NEDD9: variants seen among roughly 807,000 people sequenced by gnomAD.
The protein encoded by NEDD9 is neural precursor cell expressed, developmentally down-regulated 9.
Under a neutral mutation model 76.6 loss-of-function variants are expected in NEDD9, and 26 were observed. The ratio of observed to expected loss-of-function variants is 0.34; its 90% CI spans 0.25 to 0.47. The LOEUF (loss-of-function observed/expected upper bound fraction) is 0.47. Ranked by LOEUF, NEDD9 falls within the 20% of genes least tolerant of loss-of-function variation. The probability of loss-of-function intolerance (pLI) is 1.00; values close to 1 mark genes in which losing one functional copy is unlikely to be tolerated. For synonymous variants in NEDD9, 392 were observed against 414.2 expected (o/e 0.95, Z 0.65); for missense variants, 937 against 1,058.5 (o/e 0.89, Z 1.59).
chr6:11,382,233 C>T (rs935155954), exon 1 of NEDD9: 2 of 152,268 alleles, frequency 1.3e-5, no homozygotes, highest in African/African-American at 2.4e-5. Context: ...GCTAGTCCTG[C>T]TGCATGCTCA....
intron 2 of NEDD9, among the ~76,000 whole-genome samples, chr6:11,327,312 T>A (rs1761948298): frequency 1.3e-5 from 2 of 152,298 alleles, no homozygotes; most frequent in South Asian, 4.1e-4. Context: ...AGGTACTGAG[T>A]GATATATAAT....
chr6:11,211,927 C>T (rs1018327440), intron 2 of NEDD9, among the ~76,000 whole-genome samples: 5 of 151,994 alleles, frequency 3.3e-5, no homozygotes, highest in African/African-American at 1.2e-4. Context: ...GAGGGTGGCC[C>T]TGGCACCTCC....
chr6:11,200,022 C>A, intron 2 of NEDD9: 1 of 186,904 alleles, frequency 5.4e-6, no homozygotes. Flanking sequence ...TAAAGAATTA[C>A]TAGGTCAAAC....
Position 11,209,970 on chromosome 6 carries a change from C to CTTTTTTTTTTT in NEDD9, c.459+3310_459+3311insAAAAAAAAAAA, listed in dbSNP as rs752612102. On this transcript the variant is annotated intron_variant, in intron 2 of 6. Transcript: ENST00000379446. ...AGTGATAGAAGGCAGAATTCACTGTCTTTTTTTTTTCCTTAAGTGATTCAT... is the reference window on the plus strand; with the variant it reads ...AGTGATAGAAGGCAGAATTCACTGTCTTTTTTTTTTTTTTTTTTTTTCCTTAAGTGATTCAT... Among the ~76,000 whole-genome samples the CTTTTTTTTTTT allele has an allele frequency of 6.9e-4, 91 of 131,106 alleles. 3 individuals are homozygous for CTTTTTTTTTTT. The highest frequency in any genetic ancestry group is 1.2e-3 in the African/African-American group (45 of 36,394). The allele number at this position is 131,106 out of a possible 152,430, so 86.0% of individuals were successfully genotyped here.
intron 1 of NEDD9, among the ~76,000 whole-genome samples, chr6:11,223,909 A>T (rs2281875): frequency 6.6e-6 from 1 of 152,220 alleles, no homozygotes; most frequent in Non-Finnish European, 1.5e-5. Context: ...TGTAAGGGAG[A>T]TGGGATAATG....
At chr6:11,307,476 G>A (rs926258649) in intron 2 of NEDD9, among the ~76,000 whole-genome samples, 2 of 152,096 alleles carry the variant, frequency 1.3e-5, no homozygotes, top group Non-Finnish European at 2.9e-5. Flanking sequence ...AGAAACAAAA[G>A]GGAGATTTAC....
chr6:11,262,222 G>A (rs548628048), intron 3 of NEDD9, among the ~76,000 whole-genome samples: 1 of 152,304 alleles, frequency 6.6e-6, no homozygotes, highest in African/African-American at 2.4e-5. Flanking sequence ...CAGATCGCCA[G>A]GGAAGCAGAG....
intron 3 of NEDD9, among the ~76,000 whole-genome samples, chr6:11,273,177 G>A (rs1760347393): frequency 6.6e-6 from 1 of 152,180 alleles, no homozygotes; most frequent in Admixed American, 6.5e-5. Flanking sequence ...GAATTGGCTA[G>A]GTGAAGGTTT....
At chr6:11,245,589 A>G (rs1759790750) in intron 3 of NEDD9, among the ~76,000 whole-genome samples, 1 of 152,178 alleles carries the variant, frequency 6.6e-6, no homozygotes, top group Non-Finnish European at 1.5e-5. Context: ...TTAAATACCT[A>G]TTACAGTAGC....
At chr6:11,218,547 A>G (rs1211612610) in intron 1 of NEDD9, among the ~76,000 whole-genome samples, 2 of 152,168 alleles carry the variant, frequency 1.3e-5, no homozygotes, top group African/African-American at 4.8e-5. Context: ...GAACTCCTTA[A>G]GTTCAGAGAT....
At chr6:11,374,163 G>T (rs893154373) in intron 1 of NEDD9, among the ~76,000 whole-genome samples, 3 of 151,944 alleles carry the variant, frequency 2.0e-5, no homozygotes, top group Non-Finnish European at 4.4e-5. Context: ...CTCACTCAAT[G>T]AATCAATCAA....
At chr6:11,316,895 C>T (rs186484638) in intron 2 of NEDD9, among the ~76,000 whole-genome samples, 79 of 152,296 alleles carry the variant, frequency 5.2e-4, no homozygotes, top group African/African-American at 1.9e-3. Flanking sequence ...ATGCTAGTAT[C>T]ATTCTGAGAA....
intron 3 of NEDD9, among the ~76,000 whole-genome samples, chr6:11,263,550 A>G (rs1333536605): frequency 6.6e-6 from 1 of 152,226 alleles, no homozygotes; most frequent in Non-Finnish European, 1.5e-5. Context: ...CAGGGAGCAC[A>G]TGGCAGAGAG....
In NEDD9 at chr6:11,346,484, C is replaced by A. The variant is rs76294676; in HGVS notation, c.-213-11923G>T. Among the ~76,000 whole-genome samples the A allele has an allele frequency of 4.1e-3, 627 of 151,848 alleles. 8 individuals are homozygous for A. Among genetic ancestry groups the A allele is most frequent in the African/African-American group, 0.014 (594 of 41,450 alleles). Reference sequence around the variant, plus strand: ...TTATAAGAAGGCTCGGAGGCCCCCCCCCCCGAGGTGAGTGGAAAGCCCTCT... The same window carrying A: ...TTATAAGAAGGCTCGGAGGCCCCCCACCCCGAGGTGAGTGGAAAGCCCTCT... On this transcript the variant is annotated intron_variant, in intron 1 of 3. Transcript: ENST00000397378.
chr6:11,330,410 CT>C (rs1350128750), intron 2 of NEDD9, among the ~76,000 whole-genome samples: 1 of 152,056 alleles, frequency 6.6e-6, no homozygotes, highest in Non-Finnish European at 1.5e-5. Context: ...ACTAAGAGGC[CT>C]AGGGTAAAAA....
At position 11,257,506 on chromosome 6, in the gene NEDD9, G is replaced by GC. The variant is rs556115944; in HGVS notation, c.13-43780dup. Among the ~76,000 whole-genome samples, 475 of 152,282 alleles carry GC rather than the reference G, an allele frequency of 3.1e-3. 6 individuals are homozygous for GC. The highest frequency in any genetic ancestry group is 0.011 in the African/African-American group (445 of 41,554). The stretch of plus-strand genomic sequence containing the variant: ...TAGCCTAGTCCAGGTCTGTCTAACA[G>GC]CCCCCCAAATAGACCATGTGTTCTG... On this transcript the variant is annotated intron_variant, in intron 3 of 3. Coordinates refer to the NEDD9 transcript ENST00000397378.
intron 3 of NEDD9, among the ~76,000 whole-genome samples, chr6:11,292,643 A>T (rs935459335): frequency 6.6e-6 from 1 of 152,238 alleles, no homozygotes; most frequent in Non-Finnish European, 1.5e-5. Context: ...TAACTCAATA[A>T]AATGACATCT....
intron 1 of NEDD9, among the ~76,000 whole-genome samples, chr6:11,380,919 C>T (rs1445638824): frequency 6.6e-6 from 1 of 152,190 alleles, no homozygotes; most frequent in Non-Finnish European, 1.5e-5. Flanking sequence ...AGCAATCCTC[C>T]CGCCTTAGCC....
intron 2 of NEDD9, chr6:11,200,903 C>T (rs1447613398): frequency 2.5e-6 from 4 of 1,609,850 alleles, no homozygotes; most frequent in Non-Finnish European, 3.4e-6. Context: ...GATATTTATC[C>T]AAGAGAAAGA....
Sources: gnomAD v4.1 joint callset for allele counts (sites outside exome capture counted in the v4.1 genomes callset) on GRCh38, gnomAD v4.1.1 for gene constraint, MANE v1.5 for transcripts, NCBI Gene and HGNC (gene_info 2026-07-23, HGNC 2026-07-21) for gene names.